IFT43: variants seen among roughly 807,000 people sequenced by gnomAD.
The protein encoded by IFT43 is intraflagellar transport 43.
Under a neutral mutation model 32.3 loss-of-function variants are expected in IFT43, and 33 were observed. The ratio of observed to expected loss-of-function variants is 1.02; its 90% CI spans 0.77 to 1.37. The LOEUF (loss-of-function observed/expected upper bound fraction) is 1.37. IFT43 is among the 40% of genes most tolerant of loss of function. The pLI is 0.00. For synonymous variants in IFT43, 93 were observed against 98.2 expected, an observed-to-expected ratio of 0.95 and a Z score of 0.31; for missense variants, 274 against 265.9, an observed-to-expected ratio of 1.03 and a Z score of -0.21.
intron 1 of IFT43, among the ~76,000 whole-genome samples, chr14:75,987,960 C>T (rs866493306): frequency 1.3e-5 from 2 of 152,182 alleles, no homozygotes; most frequent in Non-Finnish European, 2.9e-5. Context: ...GGAATTCTTT[C>T]CAAAAGCCTG....
intron 2 of IFT43, among the ~76,000 whole-genome samples, chr14:76,000,111 C>T (rs890892749): frequency 6.6e-6 from 1 of 152,178 alleles, no homozygotes; most frequent in Admixed American, 6.5e-5. Flanking sequence ...TTTACAGTTA[C>T]AATACATACC....
chr14:76,080,087 G>A (rs1015621709), intron 5 of IFT43, among the ~76,000 whole-genome samples: 9 of 152,200 alleles, frequency 5.9e-5, no homozygotes, highest in Admixed American at 5.9e-4. Flanking sequence ...GCAGACACCT[G>A]TTCTGCTGGG....
At chr14:75,993,460 C>G (rs2035681227) in intron 2 of IFT43, among the ~76,000 whole-genome samples, 1 of 152,178 alleles carries the variant, frequency 6.6e-6, no homozygotes, top group South Asian at 2.1e-4. Flanking sequence ...TACACCTGGT[C>G]AGATTTACTC....
At chr14:76,062,378 T>C (rs1290796684) in intron 5 of IFT43, among the ~76,000 whole-genome samples, 1 of 152,140 alleles carries the variant, frequency 6.6e-6, no homozygotes, top group Non-Finnish European at 1.5e-5. Flanking sequence ...CCTGTTTTTC[T>C]GCTTCTTTAC....
intron 3 of IFT43, among the ~76,000 whole-genome samples, chr14:76,049,946 G>A (rs193000074): frequency 1.8e-3 from 281 of 152,186 alleles, no homozygotes; most frequent in Admixed American, 3.1e-3. Flanking sequence ...AACTTATTTG[G>A]TCTTATTGCT....
In IFT43 at chr14:76,054,546, T is replaced by C. The variant is rs373884424; in HGVS notation, c.216-4096T>C. On this transcript the variant is annotated intron_variant, in intron 3 of 8. Coordinates refer to ENST00000314067, the MANE Select transcript of IFT43 (RefSeq NM_001102564.3). ...CCAGCGTCCCTCTCTGTGTATAAAA[T>C]TGTGCTGCTGAAACCTGCTTTTCCT... Among the ~76,000 whole-genome samples the C allele has an allele frequency of 1.2e-3, 181 of 152,356 alleles. 5 individuals carry two copies. The South Asian group carries it at 0.035, about 30-fold the overall frequency.
rs917712639 is a variant in IFT43 at position 76,058,848 on chromosome 14, A to G, written c.248+174A>G. 2.6e-6 allele frequency: 4 copies of G among 1,533,088 alleles called. No homozygotes were observed. The African/African-American group carries it at 4.1e-5, about 16-fold the overall frequency. 95.0% of individuals were successfully genotyped at this position (1,533,088 alleles called of 1,614,324 possible). On this transcript the variant is annotated intron_variant, in intron 4 of 8. Coordinates refer to ENST00000314067, the MANE Select transcript of IFT43 (RefSeq NM_001102564.3). ...TTGGTTAATCCCGCTTCCTCAACTG[A>G]AGGTCTGGACCCTGGCATTGATGCC...
At chr14:75,994,197 G>GA (rs2035699704) in intron 2 of IFT43, among the ~76,000 whole-genome samples, 1 of 151,246 alleles carries the variant, frequency 6.6e-6, no homozygotes, top group South Asian at 2.1e-4. Context: ...GGAGTTGAGT[G>GA]AAAAAAAATT....
At chr14:76,078,032 C>T (rs894618972) in intron 5 of IFT43, among the ~76,000 whole-genome samples, 2 of 152,138 alleles carry the variant, frequency 1.3e-5, no homozygotes, top group South Asian at 4.1e-4. Context: ...ATTAGAAGGT[C>T]ATTTAAAAGA....
In IFT43 at chr14:76,059,033, T is replaced by C. The variant is rs375409011; in HGVS notation, c.249-294T>C. The C allele has an allele frequency of 1.7e-3, 2,470 of 1,420,858 alleles. 58 individuals are homozygous for C. In the South Asian group the frequency reaches 0.034, roughly 20 times the overall value. 88.0% of individuals were successfully genotyped at this position (1,420,858 alleles called of 1,614,324 possible). A position where few individuals can be genotyped will look rare whatever the true frequency, so the allele number is the denominator to read the frequency against. On this transcript the variant is annotated intron_variant, in intron 4 of 8. Coordinates refer to ENST00000314067, the MANE Select transcript of IFT43 (RefSeq NM_001102564.3). ...TATATCAGAAAAGAAAGAAGTTTTC[T>C]AGATAAAGGTGCTGTGAAGGTAGGG...
chr14:75,999,248 TATATATATATATATA>T (rs2035814396), intron 2 of IFT43, among the ~76,000 whole-genome samples: 3 of 12,608 alleles, frequency 2.4e-4, no homozygotes, highest in African/African-American at 7.6e-4. Flanking sequence ...TATATATATA[TATATATATATATATA>T]TATATATATG....
At chr14:75,986,509 A>G (rs907417102) in intron 1 of IFT43, among the ~76,000 whole-genome samples, 2 of 152,132 alleles carry the variant, frequency 1.3e-5, no homozygotes, top group Non-Finnish European at 2.9e-5. Context: ...CCTTATGCCT[A>G]GAATGGAGGT....
Position 76,058,525 on chromosome 14 carries a change from A to G in IFT43, c.216-117A>G, listed in dbSNP as rs897160778. 7.3e-6 allele frequency: 9 copies of G among 1,235,368 alleles called. No individual in the cohort carries two copies. In the African/African-American group the frequency reaches 9.1e-5, roughly 12 times the overall value. The allele number at this position is 1,235,368 out of a possible 1,614,324, so 76.5% of individuals were successfully genotyped here. A position where few individuals can be genotyped will look rare whatever the true frequency, so the allele number is the denominator to read the frequency against. On this transcript the variant is annotated intron_variant, in intron 3 of 8. Coordinates refer to ENST00000314067, the MANE Select transcript of IFT43 (RefSeq NM_001102564.3). ...TGTCTCTAAAGAGGACTGCAGACAA[A>G]TAAAGCACTTGAGATATACTAATTT... is the stretch of plus-strand genomic sequence containing the variant.
intron 1 of IFT43, among the ~76,000 whole-genome samples, chr14:75,987,751 A>C (rs1180963438): frequency 6.6e-6 from 1 of 152,244 alleles, no homozygotes; most frequent in Non-Finnish European, 1.5e-5. Context: ...GGGAAGCCTT[A>C]GAGGCAGAGT....
chr14:76,028,914 A>G (rs763131805), intron 3 of IFT43, among the ~76,000 whole-genome samples: 2 of 152,198 alleles, frequency 1.3e-5, no homozygotes, highest in African/African-American at 4.8e-5. Flanking sequence ...CAGTGCTACA[A>G]TGAATATACG....
At chr14:76,044,701 A>C (rs991273343) in intron 3 of IFT43, among the ~76,000 whole-genome samples, 2 of 152,140 alleles carry the variant, frequency 1.3e-5, no homozygotes, top group Non-Finnish European at 2.9e-5. Flanking sequence ...GCATACAAAA[A>C]GACATAACAC....
At chr14:76,022,281 G>A (rs2139956808) in intron 2 of IFT43, 46 bp from the exon 3 acceptor site, 7 of 1,513,488 alleles carry the variant, frequency 4.6e-6, no homozygotes, top group Middle Eastern at 1.7e-4. Flanking sequence ...TAAAATAAAT[G>A]CAAATGTTGA....
At chr14:75,999,813 T>G (rs1340973634) in intron 2 of IFT43, among the ~76,000 whole-genome samples, 1 of 152,246 alleles carries the variant, frequency 6.6e-6, no homozygotes, top group African/African-American at 2.4e-5. Flanking sequence ...TAAAACCATT[T>G]AATGTATTGG....
intron 5 of IFT43, among the ~76,000 whole-genome samples, chr14:76,072,929 A>C (rs944271869): frequency 6.6e-6 from 1 of 152,178 alleles, no homozygotes; most frequent in African/African-American, 2.4e-5. Flanking sequence ...AGGCACGAGC[A>C]CTTCTCCACC....
Sources: allele counts gnomAD v4.1 joint callset (sites outside exome capture counted in the v4.1 genomes callset), GRCh38; gene constraint gnomAD v4.1.1; transcripts MANE v1.5; gene names NCBI Gene and HGNC (gene_info 2026-07-23, HGNC 2026-07-21).